The following TMEM45A variants were observed in gnomAD, a reference collection of about 807,000 sequenced individuals.
The protein encoded by TMEM45A is DNA polymerase-transactivated protein 4.
A neutral mutation model predicts 32.0 loss-of-function variants in TMEM45A; 25 were observed. The observed-to-expected ratio is 0.78, with a 90% CI of 0.57 to 1.09. The LOEUF (loss-of-function observed/expected upper bound fraction) is 1.09, where lower values mean the gene tolerates loss of function less well. Ranked by LOEUF, TMEM45A falls within the 50% of genes least tolerant of loss-of-function variation. TMEM45A has a pLI of 0.00. For synonymous variants in TMEM45A, 122 were observed against 114.8 expected (o/e 1.06, Z -0.40); for missense variants, 302 against 325.0 (o/e 0.93, Z 0.54).
At chr3:100,536,729 G>T (rs1045428651) in intron 1 of TMEM45A, among the ~76,000 whole-genome samples, 1 of 152,168 alleles carries the variant, frequency 6.6e-6, no homozygotes, top group East Asian at 1.9e-4. Flanking sequence ...TCTTCCTCAG[G>T]TTAAAAATGG....
rs191014467 is a variant in TMEM45A at position 100,509,747 on chromosome 3, G to T, written c.-4+16819G>T. On this transcript the variant is annotated intron_variant, in intron 1 of 5. Transcript: ENST00000323523. Reference sequence around the variant, plus strand: ...AGGGAGTGCCAGACAGTGGGTGCAGGTCAGTGGGTGCGCGCACCGTGCATG... The same window carrying T: ...AGGGAGTGCCAGACAGTGGGTGCAGTTCAGTGGGTGCGCGCACCGTGCATG... 3.9e-5 allele frequency among the ~76,000 whole-genome samples: 6 copies of T among 152,270 alleles called. No homozygotes were observed. The East Asian group carries it at 1.2e-3, about 29-fold the overall frequency.
In TMEM45A at chr3:100,577,115, AG is replaced by A; in HGVS notation, c.*99del. 1 of 952,080 alleles carries A rather than the reference AG, an allele frequency of 1.1e-6. No homozygotes were observed. The highest frequency in any genetic ancestry group is 2.5e-5 in the East Asian group (1 of 39,952). The allele number at this position is 952,080 out of a possible 1,614,324, so 59.0% of individuals were successfully genotyped here. ...CTTTTGTTTGGAGAACAGCTGGCTA[AG>A]GATGACTCTAAGTGTACTGTTTGCA... On this transcript the variant is annotated 3_prime_UTR_variant, in exon 6 of 6. Coordinates refer to ENST00000323523, the MANE Select transcript of TMEM45A (RefSeq NM_018004.3).
chr3:100,545,695 T>G (rs147450353), intron 1 of TMEM45A, among the ~76,000 whole-genome samples: 6 of 152,346 alleles, frequency 3.9e-5, no homozygotes, highest in Non-Finnish European at 7.3e-5. Context: ...TAGCATTTTA[T>G]TCCTCTACTA....
At chr3:100,519,613 G>C (rs1202473432) in intron 1 of TMEM45A, 2 of 1,550,836 alleles carry the variant, frequency 1.3e-6, no homozygotes, top group South Asian at 2.4e-5. Context: ...CCAAAGGTTA[G>C]TTTGGCGTTT....
chr3:100,530,841 T>C (rs1319078216), intron 1 of TMEM45A, among the ~76,000 whole-genome samples: 26 of 152,250 alleles, frequency 1.7e-4, no homozygotes, highest in Admixed American at 1.7e-3. Flanking sequence ...TTTTTGTTTT[T>C]CTTTGAGTTC....
chr3:100,557,517 G>C (rs965926424), intron 3 of TMEM45A, among the ~76,000 whole-genome samples: 1 of 150,734 alleles, frequency 6.6e-6, no homozygotes, highest in Middle Eastern at 3.4e-3. Flanking sequence ...TGGTCTCCCA[G>C]TTACTGTAGG....
rs781178140 is a variant in TMEM45A at position 100,558,479 on chromosome 3, G to A, written c.478G>A (p.Val160Ile). 86 of 1,614,094 alleles carry A rather than the reference G, an allele frequency of 5.3e-5. No individual in the cohort carries two copies. The highest frequency in any genetic ancestry group is 3.3e-4 in the Middle Eastern group (2 of 6,030). ...IFVHQLLVLV[V>I]FLTGLVAFLE... ...TGTGCACCAGCTGCTGGTTTTGGTC[G>A]TCTTTCTGACAGGCCTCGTTGCCTT... The change falls in exon 4 of 6, where the codon GTC becomes ATC. Residue 160 changes from valine (V) to isoleucine (I), a missense_variant. By Grantham distance (29) the Val-to-Ile change is conservative. Transcript: ENST00000323523.
At chr3:100,572,374 G>T (rs1420312468) in intron 5 of TMEM45A, 1 of 152,056 alleles carries the variant, frequency 6.6e-6, no homozygotes, top group Non-Finnish European at 1.5e-5. Context: ...TTTTTCATGT[G>T]TTTTTTGGCT....
chr3:100,576,890 A>G, intron 5 of TMEM45A, 35 bp from the exon 6 acceptor site: 2 of 1,505,740 alleles, frequency 1.3e-6, no homozygotes, highest in Non-Finnish European at 1.8e-6. Context: ...TATTTTAAAA[A>G]CCGTCTAACT....
chr3:100,521,610 C>T (rs1193673185), intron 1 of TMEM45A, among the ~76,000 whole-genome samples: 1 of 152,160 alleles, frequency 6.6e-6, no homozygotes, highest in African/African-American at 2.4e-5. Flanking sequence ...AGGAATATGA[C>T]ATTGCCACAC....
chr3:100,526,532 A>C (rs1429174309), intron 1 of TMEM45A, among the ~76,000 whole-genome samples: 2 of 152,142 alleles, frequency 1.3e-5, no homozygotes, highest in Admixed American at 6.6e-5. Flanking sequence ...CTTTTCAAGA[A>C]GTCATTTATC....
intron 1 of TMEM45A, among the ~76,000 whole-genome samples, chr3:100,538,482 T>C (rs1705786733): frequency 6.6e-6 from 1 of 152,232 alleles, no homozygotes; most frequent in Non-Finnish European, 1.5e-5. Context: ...ACTAGGTGTT[T>C]TCCCCTTAAG....
intron 1 of TMEM45A, among the ~76,000 whole-genome samples, chr3:100,552,059 G>T (rs2148978079): frequency 6.6e-6 from 1 of 152,244 alleles, no homozygotes; most frequent in African/African-American, 2.4e-5. Flanking sequence ...TTCAGGGAAG[G>T]CCTGGATTTT....
intron 4 of TMEM45A, among the ~76,000 whole-genome samples, chr3:100,568,334 C>T (rs1248533688): frequency 6.6e-6 from 1 of 152,096 alleles, no homozygotes; most frequent in Non-Finnish European, 1.5e-5. Context: ...CTAGCTAAAT[C>T]TTAACTTAAT....
chr3:100,528,767 A>G (rs949577005), intron 1 of TMEM45A, among the ~76,000 whole-genome samples: 2 of 152,186 alleles, frequency 1.3e-5, no homozygotes, highest in African/African-American at 4.8e-5. Flanking sequence ...CATTTATTTA[A>G]TTTATAAATG....
intron 5 of TMEM45A, chr3:100,572,331 T>C (rs1706581055): frequency 6.6e-6 from 1 of 152,110 alleles, no homozygotes; most frequent in Non-Finnish European, 1.5e-5. Flanking sequence ...GGTTTTGATT[T>C]GCATTTCTCT....
rs1323976758 is a variant in TMEM45A at position 100,515,259 on chromosome 3, A to C, written c.-4+22331A>C. 1.9e-4 allele frequency among the ~76,000 whole-genome samples: 29 copies of C among 152,202 alleles called. No homozygotes were observed. In the East Asian group the frequency reaches 5.4e-3, roughly 28 times the overall value. ...TCCAACAATGATAGACTGGATTAAG[A>C]AAATGTGGCACATATACACCATGGA... On this transcript the variant is annotated intron_variant, in intron 1 of 5. Transcript: ENST00000323523.
chr3:100,507,798 A>C (rs1708098497), intron 1 of TMEM45A, among the ~76,000 whole-genome samples: 1 of 152,026 alleles, frequency 6.6e-6, no homozygotes, highest in Non-Finnish European at 1.5e-5. Flanking sequence ...TCAGATCAGT[A>C]TGGACTAGAG....
chr3:100,554,099 T>C (rs369576841), intron 1 of TMEM45A, among the ~76,000 whole-genome samples: 33 of 152,324 alleles, frequency 2.2e-4, no homozygotes, highest in African/African-American at 7.0e-4. Context: ...TTCTGGACTC[T>C]CTTTTCATTA....
Sources: allele counts gnomAD v4.1 joint callset (sites outside exome capture counted in the v4.1 genomes callset), GRCh38; gene constraint gnomAD v4.1.1; transcripts MANE v1.5; gene names NCBI Gene and HGNC (gene_info 2026-07-23, HGNC 2026-07-21).